The following USP28 variants were observed in gnomAD, a reference collection of about 807,000 sequenced individuals.
The protein encoded by USP28 is ubiquitin carboxyl-terminal hydrolase 28.
In USP28, 113 loss-of-function variants were observed where a neutral mutation model predicts 145.0. That is an observed-to-expected ratio of 0.78 (90% CI 0.67 to 0.91). The LOEUF (loss-of-function observed/expected upper bound fraction) is 0.91, where lower values mean the gene tolerates loss of function less well. Ranked by LOEUF, USP28 falls within the 40% of genes least tolerant of loss-of-function variation. USP28 has a pLI of 0.00. For synonymous variants in USP28, 447 were observed against 450.9 expected (o/e 0.99, Z 0.11); for missense variants, 1,201 against 1,289.6 (o/e 0.93, Z 1.05).
At chr11:113,840,899 C>A in intron 4 of USP28, 142 bp from the exon 5 acceptor site, 1 of 1,034,748 alleles carries the variant, frequency 9.7e-7, no homozygotes, top group Non-Finnish European at 1.3e-6. Flanking sequence ...ATATAAGGAA[C>A]TGTAAGACTG....
At chr11:113,855,412 G>A (rs1221333761) in intron 1 of USP28, among the ~76,000 whole-genome samples, 2 of 152,288 alleles carry the variant, frequency 1.3e-5, no homozygotes, top group East Asian at 3.9e-4. Context: ...TGAAAACAAA[G>A]TAGTTCGAAA....
At chr11:113,830,014 TAAA>T (rs1167923568) in intron 9 of USP28, among the ~76,000 whole-genome samples, 1 of 152,058 alleles carries the variant, frequency 6.6e-6, no homozygotes, top group Non-Finnish European at 1.5e-5. Context: ...TAAAATATGT[TAAA>T]TATGTATCAG....
intron 19 of USP28, 24 bp downstream of exon 20, chr11:113,806,465 T>C (rs1410956956): frequency 1.3e-6 from 2 of 1,582,328 alleles, no homozygotes; most frequent in Non-Finnish European, 1.7e-6. Context: ...ATTGTAAGAA[T>C]TAGAATTTTA....
At chr11:113,840,672 A>C in exon 5 of USP28, 1 of 1,614,182 alleles carries the variant, frequency 6.2e-7, no homozygotes, top group Non-Finnish European at 8.5e-7. Context: ...ACTCTCCTCC[A>C]GTCATTGGGA....
At chr11:113,833,439 C>T (rs201964074) in exon 7 of USP28, 6 of 1,613,734 alleles carry the variant, frequency 3.7e-6, no homozygotes, top group South Asian at 1.1e-5. Context: ...CTCAGATGAT[C>T]GGAATGCTCC....
intron 1 of USP28, among the ~76,000 whole-genome samples, chr11:113,871,261 G>A (rs939059774): frequency 3.3e-5 from 5 of 152,174 alleles, no homozygotes; most frequent in Non-Finnish European, 5.9e-5. Flanking sequence ...TAAATCCTAG[G>A]GGATGTGAAT....
At chr11:113,868,525 A>G (rs1038223113) in intron 1 of USP28, among the ~76,000 whole-genome samples, 6 of 152,220 alleles carry the variant, frequency 3.9e-5, no homozygotes, top group Non-Finnish European at 8.8e-5. Flanking sequence ...GAATGGCTTG[A>G]AGTCACAGCT....
chr11:113,863,632 A>T (rs1009181521), intron 1 of USP28, among the ~76,000 whole-genome samples: 16 of 128,584 alleles, frequency 1.2e-4, no homozygotes, highest in African/African-American at 4.6e-4. Context: ...CAACAGAGTG[A>T]GACCCTGTCT....
chr11:113,800,332 T>C (rs1201147617), intron 24 of USP28, among the ~76,000 whole-genome samples: 1 of 151,630 alleles, frequency 6.6e-6, no homozygotes, highest in Non-Finnish European at 1.5e-5. Context: ...TTTTTAAAGA[T>C]AGGGTCTCAC....
intron 3 of USP28, among the ~76,000 whole-genome samples, chr11:113,848,478 G>A (rs1946119641): frequency 6.6e-6 from 1 of 152,190 alleles, no homozygotes; most frequent in Admixed American, 6.5e-5. Context: ...AGTGGTGAAG[G>A]GGTCAGGGTG....
At chr11:113,825,103 T>A (rs1286315798) in intron 11 of USP28, among the ~76,000 whole-genome samples, 1 of 151,974 alleles carries the variant, frequency 6.6e-6, no homozygotes, top group Non-Finnish European at 1.5e-5. Context: ...AGAACAAAGT[T>A]GAAGGATTCA....
intron 15 of USP28, 194 bp downstream of exon 15, chr11:113,813,691 C>A (rs1229725616): frequency 1.7e-6 from 1 of 582,734 alleles, no homozygotes; most frequent in African/African-American, 1.9e-5. Context: ...TGTGTTAGGT[C>A]CTGTTTTTGG....
chr11:113,815,235 C>A, exon 14 of USP28: 1 of 1,614,166 alleles, frequency 6.2e-7, no homozygotes, highest in Non-Finnish European at 8.5e-7. Context: ...CAAAATTTAT[C>A]TCCTCATCTG....
chr11:113,808,051 G>A, intron 18 of USP28: 2 of 1,330,192 alleles, frequency 1.5e-6, no homozygotes, highest in South Asian at 1.5e-5. Flanking sequence ...AGTAGACTCT[G>A]CATCATTAGC....
chr11:113,840,759 T>TGTTAAG lies in USP28; in HGVS notation c.375-3_375-2insCTTAAC, dbSNP rs751826339. Reference sequence around the variant, plus strand: ...TCTGCAGAGGTTGCTTCATGCATCCTATATTGTGCAGCGTGCCACACAGCA... The same window carrying TGTTAAG: ...TCTGCAGAGGTTGCTTCATGCATCCTGTTAAGATATTGTGCAGCGTGCCACACAGCA... On this transcript the variant is annotated splice_polypyrimidine_tract_variant and splice_region_variant and intron_variant, in intron 4 of 24. Transcript: ENST00000003302. The TGTTAAG allele has an allele frequency of 2.7e-4, 432 of 1,613,562 alleles. No individual in the cohort carries two copies. The African/African-American group carries it at 5.2e-3, about 20-fold the overall frequency.
At chr11:113,831,073 ATAAG>A (rs1394750782) in intron 8 of USP28, 130 bp from the exon 9 acceptor site, 1 of 796,852 alleles carries the variant, frequency 1.3e-6, no homozygotes, top group Non-Finnish European at 2.1e-6. Context: ...TATGATCTAA[ATAAG>A]TAACAATTAG....
intron 5 of USP28, among the ~76,000 whole-genome samples, chr11:113,837,771 G>C (rs1348662342): frequency 3.3e-5 from 5 of 152,156 alleles, no homozygotes; most frequent in African/African-American, 1.2e-4. Context: ...TCAAAGTGCT[G>C]TCAAGAGGAT....
chr11:113,804,195 A>G (rs1175541098), intron 21 of USP28, among the ~76,000 whole-genome samples: 1 of 152,220 alleles, frequency 6.6e-6, no homozygotes, highest in African/African-American at 2.4e-5. Context: ...CCTCTTTAGG[A>G]CTGGTAAAAC....
intron 13 of USP28, among the ~76,000 whole-genome samples, chr11:113,816,784 TACATAA>T (rs1283656314): frequency 6.6e-6 from 1 of 152,158 alleles, no homozygotes; most frequent in Non-Finnish European, 1.5e-5. Context: ...TTTCATAATA[TACATAA>T]AAAGATTCTA....
Sources: allele counts gnomAD v4.1 joint callset (sites outside exome capture counted in the v4.1 genomes callset), GRCh38; gene constraint gnomAD v4.1.1; transcripts MANE v1.5; gene names NCBI Gene and HGNC (gene_info 2026-07-23, HGNC 2026-07-21).